Variants in ZNF69 observed in about 807,000 individuals in gnomAD.
The protein encoded by ZNF69 is zinc finger protein 69.
In ZNF69, 47 loss-of-function variants were observed where a neutral mutation model predicts 50.9. That is an observed-to-expected ratio of 0.92 (90% CI 0.73 to 1.18). The LOEUF is 1.18. Among genes scored for constraint, ZNF69 ranks in the 50% most tolerant of loss-of-function variants. ZNF69 has a pLI of 0.00. For synonymous variants in ZNF69, 216 were observed against 223.1 expected, an observed-to-expected ratio of 0.97 and a Z score of 0.29; for missense variants, 717 against 675.1, an observed-to-expected ratio of 1.06 and a Z score of -0.69.
the ZNF69 span, among the ~76,000 whole-genome samples, chr19:11,933,745 T>A: frequency 1.4e-5 from 2 of 147,364 alleles, no homozygotes; most frequent in Admixed American, 6.7e-5. Flanking sequence ...CTAAAAAAAA[T>A]TTTGTTTTTG....
the ZNF69 span, among the ~76,000 whole-genome samples, chr19:11,952,426 TTC>T: frequency 2.0e-5 from 3 of 152,344 alleles, no homozygotes; most frequent in Middle Eastern, 3.4e-3. Context: ...AAGCCTTTCT[TTC>T]TCTGATAATG....
chr19:11,895,095 T>C (rs899146240), intron 1 of ZNF69, among the ~76,000 whole-genome samples: 4 of 152,228 alleles, frequency 2.6e-5, no homozygotes, highest in Admixed American at 1.3e-4. Flanking sequence ...CCAGCCAGTA[T>C]TGCCCCTCTG....
At chr19:11,968,014 G>A in the ZNF69 span, among the ~76,000 whole-genome samples, 63 of 152,272 alleles carry the variant, frequency 4.1e-4, 1 homozygote, top group Admixed American at 2.2e-3. Context: ...ATGTTCTGTC[G>A]TTGTGGGAGT....
chr19:11,965,511 G>T, the ZNF69 span, among the ~76,000 whole-genome samples: 1 of 152,246 alleles, frequency 6.6e-6, no homozygotes, highest in African/African-American at 2.4e-5. Context: ...GCCACGAGAG[G>T]GTCATGGGGG....
At chr19:11,951,236 G>T in the ZNF69 span, among the ~76,000 whole-genome samples, 139 of 137,030 alleles carry the variant, frequency 1.0e-3, 1 homozygote, top group African/African-American at 2.5e-3. Flanking sequence ...GCTGGTTTTT[G>T]TTTTTTTTTT....
chr19:11,933,826 C>T, the ZNF69 span, among the ~76,000 whole-genome samples: 22 of 141,280 alleles, frequency 1.6e-4, 1 homozygote, highest in South Asian at 3.7e-3. Flanking sequence ...GCCTGGGTGA[C>T]GGAGCAAGAC....
At chr19:11,918,506 T>C (rs559103100), downstream of ZNF69, among the ~76,000 whole-genome samples, 10 of 152,310 alleles carry the variant, frequency 6.6e-5, no homozygotes, top group South Asian at 1.9e-3. Flanking sequence ...TTATTTTAAT[T>C]TGAGACATCC....
the ZNF69 span, among the ~76,000 whole-genome samples, chr19:11,959,275 A>C: frequency 6.6e-6 from 1 of 152,208 alleles, no homozygotes; most frequent in Non-Finnish European, 1.5e-5. Flanking sequence ...ACCTTTGCAG[A>C]AGGAAATAGT....
At chr19:11,976,555 CAAAAAAAA>C in the ZNF69 span, among the ~76,000 whole-genome samples, 1 of 73,814 alleles carries the variant, frequency 1.4e-5, no homozygotes, top group Non-Finnish European at 2.7e-5. Flanking sequence ...GACTCTGTCT[CAAAAAAAA>C]AAAAAAAAAA....
chr19:11,964,302 G>A, the ZNF69 span, among the ~76,000 whole-genome samples: 174 of 152,304 alleles, frequency 1.1e-3, no homozygotes, highest in African/African-American at 3.8e-3. Flanking sequence ...TTGTACCTCT[G>A]GAGCCTGGGG....
chr19:11,977,310 C>T, the ZNF69 span: 1 of 1,606,002 alleles, frequency 6.2e-7, no homozygotes, highest in Admixed American at 1.7e-5. Flanking sequence ...GACATAGAAT[C>T]TAATAATTTT....
At chr19:11,979,867 C>T in the ZNF69 span, 21 of 1,467,698 alleles carry the variant, frequency 1.4e-5, no homozygotes, top group Admixed American at 5.1e-5. Context: ...CACAAACACA[C>T]GTAAGAATGC....
At position 11,905,557 on chromosome 19, in the gene ZNF69, C is replaced by A. The variant is rs1972352141; in HGVS notation, c.1160C>A (p.Pro387His). 2.5e-6 allele frequency: 4 copies of A among 1,612,302 alleles called. No homozygotes were observed. The East Asian group carries it at 8.9e-5, about 36-fold the overall frequency. ...RHEKTHSGEK[P>H]YKCKQCGKAF... is the part of the protein sequence containing the mutation. The stretch of plus-strand genomic sequence containing the variant: ...GAAAAAACTCACAGTGGAGAGAAAC[C>A]CTATAAATGCAAGCAATGTGGTAAA... Residue 387 changes from proline to histidine, a missense_variant, in exon 4 of 4, where the codon CCC (proline) becomes CAC (histidine). Transcript: ENST00000429654.
At chr19:11,942,796 G>C in the ZNF69 span, among the ~76,000 whole-genome samples, 1 of 152,210 alleles carries the variant, frequency 6.6e-6, no homozygotes. Context: ...CAGGCCTGGG[G>C]TGTGGCACCG....
intron 4 of ZNF69, among the ~76,000 whole-genome samples, chr19:11,913,206 A>G (rs921995049): frequency 2.0e-5 from 3 of 152,026 alleles, no homozygotes; most frequent in Non-Finnish European, 4.4e-5. Flanking sequence ...CAAAAAAAAA[A>G]GCTATAATAA....
chr19:11,964,415 A>C, the ZNF69 span, among the ~76,000 whole-genome samples: 2 of 152,158 alleles, frequency 1.3e-5, no homozygotes, highest in Non-Finnish European at 2.9e-5. Flanking sequence ...CTAGAGACAG[A>C]ATTGTTTGGG....
At position 11,903,921 on chromosome 19, in the gene ZNF69, C is replaced by G; in HGVS notation, c.207C>G (p.Asp69Glu). ...NLTSVGKSWK[D>E]QNIEYEYQNP... The stretch of plus-strand genomic sequence containing the variant: ...ATATTTTAGGAAAAAGTTGGAAAGA[C>G]CAGAACATTGAATATGAGTACCAAA... Residue 69 changes from aspartate (D) to glutamate (E), a missense_variant, in exon 3 of 4, where the codon GAC becomes GAG. Physicochemically the swap from Asp to Glu is conservative, Grantham distance 45. Transcript: ENST00000429654. The G allele has an allele frequency of 6.2e-7, 1 of 1,613,842 alleles. No homozygotes were observed. Among genetic ancestry groups the G allele is most frequent in the South Asian group, 1.1e-5 (1 of 91,018 alleles).
chr19:11,904,627 A>G, intron 3 of ZNF69, 22 bp from the exon 4 acceptor site: 3 of 1,605,216 alleles, frequency 1.9e-6, no homozygotes, highest in Non-Finnish European at 2.5e-6. Flanking sequence ...ACCCTTTGTA[A>G]TGTGCTTCTC....
chr19:11,940,395 G>A, the ZNF69 span, among the ~76,000 whole-genome samples: 1 of 152,120 alleles, frequency 6.6e-6, no homozygotes, highest in Non-Finnish European at 1.5e-5. Flanking sequence ...GTTTGGATGT[G>A]TTCAGAGTTT....
Sources: gnomAD v4.1 joint callset for allele counts (sites outside exome capture counted in the v4.1 genomes callset) on GRCh38, gnomAD v4.1.1 for gene constraint, MANE v1.5 for transcripts, NCBI Gene and HGNC (gene_info 2026-07-23, HGNC 2026-07-21) for gene names.